The following C2CD3 variants were observed in gnomAD, a reference collection of about 807,000 sequenced individuals.
C2CD3 encodes C2 domain-containing protein 3.
Under a neutral mutation model 234.0 loss-of-function variants are expected in C2CD3, and 148 were observed. The ratio of observed to expected loss-of-function variants is 0.63; its 90% CI spans 0.55 to 0.72. C2CD3 has a LOEUF of 0.72. Among genes scored for constraint, C2CD3 ranks in the 30% least tolerant of loss-of-function variants. The probability of loss-of-function intolerance (pLI) is 0.00; values close to 1 mark genes in which losing one functional copy is unlikely to be tolerated. For missense variants in C2CD3, 2,577 were observed against 2,811.5 expected (o/e 0.92, Z 1.89); for synonymous variants, 1,000 against 1,035.4 (o/e 0.97, Z 0.66).
rs1262165951 is a variant in C2CD3 at position 74,117,913 on chromosome 11, CA to C, written c.1520+314del. Among the ~76,000 whole-genome samples, 2,536 of 65,926 alleles carry C rather than the reference CA, an allele frequency of 0.038. 49 individuals are homozygous for C. Among genetic ancestry groups the C allele is most frequent in the African/African-American group, 0.11 (2,120 of 18,798 alleles). 43.3% of individuals were successfully genotyped at this position (65,926 alleles called of 152,430 possible). On this transcript the variant is annotated intron_variant, in intron 9 of 32. Transcript: ENST00000334126. ...GGGAAACAAGAGCGAAACTCCGTCTCAAAAAAAAAAAAAAAAAGACTACAAA... is the reference window on the plus strand; with the variant it reads ...GGGAAACAAGAGCGAAACTCCGTCTCAAAAAAAAAAAAAAAAGACTACAAA...
chr11:74,016,396 C>T (rs1313082333), intron 32 of C2CD3, among the ~76,000 whole-genome samples: 2 of 151,530 alleles, frequency 1.3e-5, no homozygotes, highest in Admixed American at 6.6e-5. Context: ...AGCATGAGCA[C>T]AGACCTACAC....
intron 12 of C2CD3, among the ~76,000 whole-genome samples, chr11:74,107,003 C>A (rs1219060842): frequency 6.6e-6 from 1 of 152,130 alleles, no homozygotes; most frequent in African/African-American, 2.4e-5. Context: ...CCCAGTAATT[C>A]CATTTCTGGG....
intron 15 of C2CD3, among the ~76,000 whole-genome samples, chr11:74,100,052 C>G (rs998091491): frequency 6.6e-6 from 1 of 152,138 alleles, no homozygotes; most frequent in African/African-American, 2.4e-5. Context: ...ATAAAACTTG[C>G]AAATAGTTGA....
At chr11:74,128,154 C>T (rs1039237744) in intron 7 of C2CD3, among the ~76,000 whole-genome samples, 2 of 152,156 alleles carry the variant, frequency 1.3e-5, no homozygotes, top group African/African-American at 2.4e-5. Context: ...TGAGCCACCA[C>T]GCCCAGCCAT....
intron 22 of C2CD3, among the ~76,000 whole-genome samples, chr11:74,080,262 T>C (rs1398452775): frequency 6.6e-6 from 1 of 152,226 alleles, no homozygotes; most frequent in African/African-American, 2.4e-5. Context: ...TAAGGTTTTA[T>C]GACTTTTGGA....
At chr11:74,047,632 G>C (rs1565226165) in intron 28 of C2CD3, among the ~76,000 whole-genome samples, 1 of 152,200 alleles carries the variant, frequency 6.6e-6, no homozygotes, top group Non-Finnish European at 1.5e-5. Flanking sequence ...GGCTGCTGTA[G>C]GGCAAGATTC....
chr11:74,089,159 G>A (rs996346349), intron 20 of C2CD3, among the ~76,000 whole-genome samples: 11 of 152,070 alleles, frequency 7.2e-5, no homozygotes, highest in Non-Finnish European at 2.9e-5. Context: ...TCAACAATGG[G>A]AAATCATCAA....
At chr11:74,107,655 A>C (rs990115443) in intron 12 of C2CD3, among the ~76,000 whole-genome samples, 3 of 152,218 alleles carry the variant, frequency 2.0e-5, no homozygotes, top group Non-Finnish European at 4.4e-5. Flanking sequence ...AAAACCCTCA[A>C]GATGCTAAAT....
At chr11:74,142,657 C>A (rs544974643) in intron 3 of C2CD3, among the ~76,000 whole-genome samples, 3 of 151,818 alleles carry the variant, frequency 2.0e-5, no homozygotes. Context: ...ATCTTAAATA[C>A]GAATGAGGCA....
At chr11:74,085,007 G>GACCA in intron 21 of C2CD3, 37 bp from the exon 22 acceptor site, 2 of 1,199,776 alleles carry the variant, frequency 1.7e-6, no homozygotes, top group South Asian at 1.2e-5. Context: ...TTATTTGATG[G>GACCA]TCTATTCATC....
At chr11:74,109,316 T>A in intron 11 of C2CD3, 164 bp from the exon 12 acceptor site, 1 of 541,812 alleles carries the variant, frequency 1.8e-6, no homozygotes, top group Non-Finnish European at 3.2e-6. Flanking sequence ...TAGGATTGAA[T>A]GAGCAGGGAC....
intron 3 of C2CD3, among the ~76,000 whole-genome samples, chr11:74,144,515 G>A (rs993314391): frequency 4.6e-5 from 7 of 152,122 alleles, no homozygotes; most frequent in African/African-American, 1.4e-4. Context: ...AACTCATGAC[G>A]TGGGGGTCTG....
At chr11:74,070,333 C>T (rs536002444) in intron 24 of C2CD3, among the ~76,000 whole-genome samples, 1 of 152,320 alleles carries the variant, frequency 6.6e-6, no homozygotes, top group South Asian at 2.1e-4. Context: ...GAAGGCAAAG[C>T]TCCTAATTTG....
At chr11:74,168,637 G>A (rs1038290553) in intron 1 of C2CD3, 24 bp from the exon 2 acceptor site, 6 of 1,594,936 alleles carry the variant, frequency 3.8e-6, no homozygotes, top group Non-Finnish European at 5.1e-6. Flanking sequence ...CAAGAAAACT[G>A]AGTCAAAATT....
At chr11:74,112,209 T>C (rs1956775807) in intron 11 of C2CD3, among the ~76,000 whole-genome samples, 1 of 152,212 alleles carries the variant, frequency 6.6e-6, no homozygotes, top group South Asian at 2.1e-4. Context: ...CCACATCTTT[T>C]ATTTCTCAAA....
chr11:74,160,400 T>C (rs919913084), intron 3 of C2CD3, among the ~76,000 whole-genome samples: 2 of 152,222 alleles, frequency 1.3e-5, no homozygotes, highest in Non-Finnish European at 1.5e-5. Flanking sequence ...GGAATACTAT[T>C]TACAATAAAA....
chr11:74,021,535 A>G (rs1161407415), intron 32 of C2CD3, among the ~76,000 whole-genome samples: 1 of 152,206 alleles, frequency 6.6e-6, no homozygotes, highest in East Asian at 1.9e-4. Flanking sequence ...CCAGCAAACA[A>G]GGCAGAGCGG....
chr11:74,114,776 A>G (rs1345779444), intron 9 of C2CD3, among the ~76,000 whole-genome samples, 183 bp from the exon 10 acceptor site: 2 of 152,148 alleles, frequency 1.3e-5, no homozygotes, highest in African/African-American at 4.8e-5. Context: ...ATCATGGCTT[A>G]CTGCAGCCTT....
In C2CD3 at chr11:74,034,293, A is replaced by G. The variant is rs1435136370; in HGVS notation, c.5882-15T>C. On this transcript the variant is annotated splice_polypyrimidine_tract_variant and intron_variant, in intron 30 of 32. Coordinates refer to ENST00000334126, the MANE Select transcript of C2CD3 (RefSeq NM_001286577.2). ...AGTCTGCAGATCTGAACAGCAACACATATCACTCTTATTACAAGGTAGGGC... is the reference window on the plus strand; with the variant it reads ...AGTCTGCAGATCTGAACAGCAACACGTATCACTCTTATTACAAGGTAGGGC... The G allele has an allele frequency of 2.0e-5, 30 of 1,528,062 alleles. No individual in the cohort carries two copies. Among genetic ancestry groups the G allele is most frequent in the Non-Finnish European group, 2.6e-5 (30 of 1,142,202 alleles). The allele number at this position is 1,528,062 out of a possible 1,614,324, so 94.7% of individuals were successfully genotyped here.
Sources: gnomAD v4.1 joint callset for allele counts (sites outside exome capture counted in the v4.1 genomes callset) on GRCh38, gnomAD v4.1.1 for gene constraint, MANE v1.5 for transcripts, NCBI Gene and HGNC (gene_info 2026-07-23, HGNC 2026-07-21) for gene names.